Variants in PDE4B observed in about 807,000 individuals in gnomAD.
PDE4B encodes phosphodiesterase 4B, also known as 3',5'-cyclic-AMP phosphodiesterase 4B.
PDE4B carries 20 observed loss-of-function variants against 82.2 expected under a neutral mutation model. The observed-to-expected ratio is 0.24, with a 90% CI of 0.17 to 0.35. The LOEUF is 0.35. PDE4B is among the 10% of genes least tolerant of loss of function. PDE4B has a pLI of 1.00. For missense variants in PDE4B, 655 were observed against 907.2 expected (o/e 0.72, Z 3.57); for synonymous variants, 320 against 318.9 (o/e 1.00, Z -0.04).
rs932732949 is a variant in PDE4B, at chr1:65,981,869, C to G, written c.281+63034C>G. 6.6e-5 allele frequency among the ~76,000 whole-genome samples: 10 copies of G among 152,210 alleles called. No homozygotes were observed. The South Asian group carries it at 8.3e-4, about 13-fold the overall frequency. The stretch of plus-strand genomic sequence containing the variant: ...CCCCAAGAAAGGGCTGGAACTGATT[C>G]TTTTCTCATAGCCCTTAGAAAGAAC... On this transcript the variant is annotated intron_variant, in intron 3 of 16. Coordinates refer to ENST00000341517, the MANE Select transcript of PDE4B (RefSeq NM_002600.4).
At chr1:66,247,340 CAT>C (rs1653393895) in intron 3 of PDE4B, 118 bp from the exon 4 acceptor site, 1 of 555,888 alleles carries the variant, frequency 1.8e-6, no homozygotes, top group Admixed American at 2.9e-5. Context: ...TTCCATAGTA[CAT>C]ACAGTTTTAT....
At chr1:66,020,207 G>A (rs1181710006) in intron 3 of PDE4B, among the ~76,000 whole-genome samples, 3 of 152,150 alleles carry the variant, frequency 2.0e-5, no homozygotes, top group African/African-American at 7.2e-5. Context: ...TATAAGAACA[G>A]GTCAGGTACA....
intron 3 of PDE4B, among the ~76,000 whole-genome samples, chr1:66,110,048 T>C (rs1645449357): frequency 6.6e-6 from 1 of 151,968 alleles, no homozygotes; most frequent in Non-Finnish European, 1.5e-5. Context: ...CTAGCCTTAA[T>C]ATAAATTTCC....
chr1:66,273,333 A>G (rs548013400), intron 7 of PDE4B, among the ~76,000 whole-genome samples: 1 of 152,348 alleles, frequency 6.6e-6, no homozygotes, highest in South Asian at 2.1e-4. Context: ...TCTCCAAAAT[A>G]TCATTTACAT....
At chr1:65,910,022 C>T (rs568765926) in intron 1 of PDE4B, among the ~76,000 whole-genome samples, 37 of 152,262 alleles carry the variant, frequency 2.4e-4, no homozygotes, top group African/African-American at 8.2e-4. Flanking sequence ...GGTTTTAGAA[C>T]AAGAATGTTC....
intron 1 of PDE4B, among the ~76,000 whole-genome samples, chr1:65,846,109 C>T (rs1455843149): frequency 1.3e-5 from 2 of 152,186 alleles, no homozygotes; most frequent in African/African-American, 4.8e-5. Flanking sequence ...TCTTGTTTGA[C>T]TCCATGACAG....
intron 3 of PDE4B, among the ~76,000 whole-genome samples, chr1:66,169,123 T>C (rs1051475120): frequency 6.6e-6 from 1 of 152,260 alleles, no homozygotes; most frequent in Non-Finnish European, 1.5e-5. Context: ...ATCTACATTT[T>C]ACTCAGAAAT....
At chr1:65,975,835 A>T (rs1426256431) in intron 3 of PDE4B, among the ~76,000 whole-genome samples, 2 of 152,156 alleles carry the variant, frequency 1.3e-5, no homozygotes, top group Non-Finnish European at 2.9e-5. Context: ...GGAGTTGAGG[A>T]TTGGAAACCT....
At chr1:65,935,470 T>G (rs1262958712) in intron 3 of PDE4B, among the ~76,000 whole-genome samples, 1 of 152,098 alleles carries the variant, frequency 6.6e-6, no homozygotes. Context: ...TGTGAAGGCC[T>G]AGGATGTTAC....
intron 8 of PDE4B, among the ~76,000 whole-genome samples, chr1:66,347,346 T>G (rs1661476512): frequency 6.6e-6 from 1 of 152,224 alleles, no homozygotes; most frequent in South Asian, 2.1e-4. Context: ...ATGAAATTTA[T>G]GTCTATTTTA....
intron 6 of PDE4B, 59 bp downstream of exon 6, chr1:66,257,922 G>A: frequency 9.0e-7 from 1 of 1,116,604 alleles, no homozygotes; most frequent in Non-Finnish European, 1.4e-6. Context: ...AAAATATTGA[G>A]CAGCATTTAA....
At chr1:65,883,220 G>A (rs1302978655) in intron 1 of PDE4B, among the ~76,000 whole-genome samples, 1 of 152,086 alleles carries the variant, frequency 6.6e-6, no homozygotes, top group Non-Finnish European at 1.5e-5. Flanking sequence ...GATGGGGATG[G>A]CATTGAATCT....
In PDE4B at chr1:65,850,110, CT is replaced by C. The variant is rs57662381; in HGVS notation, c.-71+56884del. Among the ~76,000 whole-genome samples the C allele has an allele frequency of 9.0e-3, 878 of 97,460 alleles. 3 individuals carry two copies. Among genetic ancestry groups the C allele is most frequent in the African/African-American group, 0.023 (571 of 25,096 alleles). 63.9% of individuals were successfully genotyped at this position (97,460 alleles called of 152,430 possible). The stretch of plus-strand genomic sequence containing the variant: ...CAACGCTTAGTAGTATTGCCCTGCA[CT>C]TTTTTTTTTTTTTTTTTTTTTGAGA... On this transcript the variant is annotated intron_variant, in intron 1 of 16. Transcript: ENST00000341517.
intron 3 of PDE4B, among the ~76,000 whole-genome samples, chr1:66,146,349 AT>A (rs1187198281): frequency 6.6e-6 from 1 of 151,484 alleles, no homozygotes; most frequent in African/African-American, 2.4e-5. Flanking sequence ...ATGCCTGGCT[AT>A]TTTTTTGTAT....
At chr1:65,940,634 A>T (rs1480009290) in intron 3 of PDE4B, among the ~76,000 whole-genome samples, 1 of 152,078 alleles carries the variant, frequency 6.6e-6, no homozygotes, top group Admixed American at 6.6e-5. Flanking sequence ...AGATGCAGGT[A>T]GAGGTCTGAG....
chr1:66,231,416 G>A (rs1454968863), intron 3 of PDE4B, among the ~76,000 whole-genome samples: 3 of 152,186 alleles, frequency 2.0e-5, no homozygotes, highest in Non-Finnish European at 4.4e-5. Context: ...TAAGATAATT[G>A]AGTATTAAAA....
intron 3 of PDE4B, among the ~76,000 whole-genome samples, chr1:66,203,272 C>A (rs1250914229): frequency 6.6e-6 from 1 of 152,072 alleles, no homozygotes; most frequent in African/African-American, 2.4e-5. Flanking sequence ...TCTCTGGCTG[C>A]CCTTAACATT....
At chr1:66,359,394 T>C (rs1662570762) in intron 9 of PDE4B, among the ~76,000 whole-genome samples, 1 of 152,224 alleles carries the variant, frequency 6.6e-6, no homozygotes. Flanking sequence ...TTTATTGTGA[T>C]TTTTTTGAGT....
At chr1:65,810,819 C>T (rs1183669381) in intron 1 of PDE4B, among the ~76,000 whole-genome samples, 1 of 152,186 alleles carries the variant, frequency 6.6e-6, no homozygotes, top group East Asian at 1.9e-4. Flanking sequence ...ACATAAATGC[C>T]ATAAGTGCTA....
Sources: allele counts gnomAD v4.1 joint callset (sites outside exome capture counted in the v4.1 genomes callset), GRCh38; gene constraint gnomAD v4.1.1; transcripts MANE v1.5; gene names NCBI Gene and HGNC (gene_info 2026-07-23, HGNC 2026-07-21).